TPH2: variants seen among roughly 807,000 people sequenced by gnomAD.
The protein encoded by TPH2 is tryptophan 5-hydroxylase 2.
Under a neutral mutation model 59.1 loss-of-function variants are expected in TPH2, and 27 were observed. The ratio of observed to expected loss-of-function variants is 0.46; its 90% CI spans 0.34 to 0.63. The LOEUF is 0.63. TPH2 is among the 30% of genes least tolerant of loss of function. The pLI is 0.01. For missense variants in TPH2, 523 were observed against 588.3 expected, an observed-to-expected ratio of 0.89 and a Z score of 1.15; for synonymous variants, 220 against 210.5, an observed-to-expected ratio of 1.05 and a Z score of -0.39.
intron 5 of TPH2, among the ~76,000 whole-genome samples, chr12:71,961,007 C>A (rs1172082809): frequency 6.6e-6 from 1 of 152,180 alleles, no homozygotes; most frequent in Admixed American, 6.5e-5. Context: ...GGATGTTTTA[C>A]AGATGACCTC....
chr12:72,009,499 G>T (rs1321228007), intron 8 of TPH2, among the ~76,000 whole-genome samples: 1 of 152,152 alleles, frequency 6.6e-6, no homozygotes, highest in East Asian at 1.9e-4. Flanking sequence ...TTTGTAATAT[G>T]GCTTTTTAAT....
At chr12:71,984,119 T>C (rs1172525374) in intron 7 of TPH2, among the ~76,000 whole-genome samples, 1 of 152,214 alleles carries the variant, frequency 6.6e-6, no homozygotes, top group Non-Finnish European at 1.5e-5. Flanking sequence ...AAGTGACTAA[T>C]ATTGCAACTT....
chr12:72,016,689 G>T lies in TPH2; in HGVS notation c.1069-5710G>T, dbSNP rs934492059. Among the ~76,000 whole-genome samples the T allele has an allele frequency of 2.0e-5, 3 of 152,098 alleles. No individual in the cohort carries two copies. The South Asian group carries it at 6.2e-4, about 32-fold the overall frequency. On this transcript the variant is annotated intron_variant, in intron 8 of 10. Coordinates refer to ENST00000333850, the MANE Select transcript of TPH2 (RefSeq NM_173353.4). ...TGTATGTGATTATTTTAAAATATAT[G>T]CTACCAATATGCAAGATCAAATTTT...
chr12:72,023,722 G>A (rs1382682600), intron 9 of TPH2, among the ~76,000 whole-genome samples: 1 of 150,412 alleles, frequency 6.6e-6, no homozygotes, highest in Non-Finnish European at 1.5e-5. Flanking sequence ...CCAGCTACTT[G>A]GGAGGCTGAG....
At chr12:71,962,201 T>C (rs1186485737) in intron 5 of TPH2, 1 of 985,836 alleles carries the variant, frequency 1.0e-6, no homozygotes, top group Non-Finnish European at 1.2e-6. Flanking sequence ...TGTTTTGAAA[T>C]TCAGGCATCA....
chr12:71,949,823 A>G (rs1378774023), intron 5 of TPH2, among the ~76,000 whole-genome samples, 168 bp downstream of exon 5: 1 of 152,200 alleles, frequency 6.6e-6, no homozygotes, highest in Non-Finnish European at 1.5e-5. Flanking sequence ...GATGTTTGAC[A>G]TCTGGGTATA....
At chr12:72,016,858 A>G (rs1039065692) in intron 8 of TPH2, among the ~76,000 whole-genome samples, 6 of 152,186 alleles carry the variant, frequency 3.9e-5, no homozygotes, top group African/African-American at 1.2e-4. Flanking sequence ...CTAGAAGTTT[A>G]TATGTATCAT....
chr12:72,000,791 TTCTGTTTTGTGTC>T lies in TPH2; in HGVS notation c.1068+6231_1068+6243del, dbSNP rs1170375070. Among the ~76,000 whole-genome samples, 5 of 152,228 alleles carry T rather than the reference TTCTGTTTTGTGTC, an allele frequency of 3.3e-5. No homozygotes were observed. The East Asian group carries it at 9.6e-4, about 29-fold the overall frequency. ...TCATCTATGAGAGCCATGTCATTGCTTCTGTTTTGTGTCTCTGCTCTCATCCTCTTCTGTCTGC... is the reference window on the plus strand; with the variant it reads ...TCATCTATGAGAGCCATGTCATTGCTTCTGCTCTCATCCTCTTCTGTCTGC... On this transcript the variant is annotated intron_variant, in intron 8 of 10. Coordinates refer to ENST00000333850, the MANE Select transcript of TPH2 (RefSeq NM_173353.4).
intron 5 of TPH2, among the ~76,000 whole-genome samples, chr12:71,971,747 G>A (rs1871979269): frequency 6.6e-6 from 1 of 152,148 alleles, no homozygotes; most frequent in Non-Finnish European, 1.5e-5. Context: ...CTGTTTATGG[G>A]CCAAATAAAG....
intron 5 of TPH2, among the ~76,000 whole-genome samples, chr12:71,959,544 G>A (rs1443815798): frequency 6.6e-6 from 1 of 152,200 alleles, no homozygotes; most frequent in African/African-American, 2.4e-5. Context: ...AATAACTGGG[G>A]TGGCTCTACC....
chr12:71,968,079 C>G (rs963820220), intron 5 of TPH2, among the ~76,000 whole-genome samples: 1 of 152,140 alleles, frequency 6.6e-6, no homozygotes, highest in African/African-American at 2.4e-5. Flanking sequence ...CTTTTACATG[C>G]TTGCTGGAAT....
intron 8 of TPH2, among the ~76,000 whole-genome samples, chr12:72,006,203 G>A (rs1456535527): frequency 2.0e-5 from 3 of 152,096 alleles, no homozygotes; most frequent in Admixed American, 1.3e-4. Flanking sequence ...TCACTTACTG[G>A]CTGGATGAGG....
At chr12:71,949,520 T>G in intron 4 of TPH2, 68 bp from the exon 5 acceptor site, 1 of 1,346,666 alleles carries the variant, frequency 7.4e-7, no homozygotes, top group Admixed American at 1.7e-5. Context: ...CACAGTGATT[T>G]TCTTTTAGGT....
Position 71,979,086 on chromosome 12 carries a change from C to A in TPH2, c.940C>A (p.Pro314Thr). The A allele has an allele frequency of 6.2e-7, 1 of 1,614,094 alleles. No homozygotes were observed. The highest frequency in any genetic ancestry group is 8.5e-7 in the Non-Finnish European group (1 of 1,179,988). ...CTCAGATCCCCTCTACACCCCAGAA[C>A]CGTGAGTACCTACATTAAAGCCCAG... The part of the protein sequence containing the change: ...HGSDPLYTPE[P>T]DTCHELLGHV... The change falls in exon 7 of 11, where the codon CCA becomes ACA. Residue 314 changes from proline (P) to threonine (T), a missense_variant and splice_region_variant. Coordinates refer to ENST00000333850, the MANE Select transcript of TPH2 (RefSeq NM_173353.4).
intron 7 of TPH2, among the ~76,000 whole-genome samples, chr12:71,993,856 C>T (rs764203869): frequency 6.6e-6 from 1 of 152,200 alleles, no homozygotes. Flanking sequence ...TTGTCTTCCT[C>T]ACTATCTATA....
At chr12:71,970,948 T>A (rs1295239068) in intron 5 of TPH2, among the ~76,000 whole-genome samples, 2 of 152,230 alleles carry the variant, frequency 1.3e-5, no homozygotes, top group Non-Finnish European at 2.9e-5. Flanking sequence ...TAATTTTTTT[T>A]AAACAAAAAT....
intron 8 of TPH2, among the ~76,000 whole-genome samples, chr12:71,998,694 G>C (rs907406528): frequency 2.6e-5 from 4 of 152,194 alleles, no homozygotes; most frequent in African/African-American, 7.2e-5. Flanking sequence ...GTCTATGGCA[G>C]GGGGATAATG....
At chr12:71,945,245 C>T (rs1297464233) in intron 4 of TPH2, among the ~76,000 whole-genome samples, 1 of 152,044 alleles carries the variant, frequency 6.6e-6, no homozygotes, top group African/African-American at 2.4e-5. Context: ...TCCTCTACTC[C>T]AATAAAAATG....
chr12:71,994,326 A>G, intron 7 of TPH2, 113 bp from the exon 8 acceptor site: 1 of 1,136,256 alleles, frequency 8.8e-7, no homozygotes, highest in Non-Finnish European at 1.3e-6. Flanking sequence ...GATGAACTGT[A>G]GTAACTAATT....
Sources: allele counts gnomAD v4.1 joint callset (sites outside exome capture counted in the v4.1 genomes callset), GRCh38; gene constraint gnomAD v4.1.1; transcripts MANE v1.5; gene names NCBI Gene and HGNC (gene_info 2026-07-23, HGNC 2026-07-21).